Variants in RBFOX2 observed in about 807,000 individuals in gnomAD.
RBFOX2 encodes RNA binding fox-1 homolog 2, also known as RNA binding protein fox-1 homolog 2.
RBFOX2 carries 10 observed loss-of-function variants against 49.1 expected under a neutral mutation model. That is an observed-to-expected ratio of 0.20 (90% CI 0.13 to 0.35). RBFOX2 has a LOEUF of 0.35. Ranked by LOEUF, RBFOX2 falls within the 10% of genes least tolerant of loss-of-function variation. The pLI, the probability that RBFOX2 is intolerant of heterozygous loss-of-function variation, is 1.00. For missense variants in RBFOX2, 323 were observed against 486.9 expected (o/e 0.66, Z 3.17); for synonymous variants, 183 against 187.4 (o/e 0.98, Z 0.19).
chr22:35,950,823 T>G (rs1433784550), intron 1 of RBFOX2, among the ~76,000 whole-genome samples: 1 of 152,098 alleles, frequency 6.6e-6, no homozygotes, highest in East Asian at 1.9e-4. Flanking sequence ...TAATTCTATT[T>G]TGTCACACAT....
chr22:35,942,887 G>A (rs1401695132), upstream of RBFOX2, among the ~76,000 whole-genome samples: 2 of 152,150 alleles, frequency 1.3e-5, no homozygotes, highest in African/African-American at 4.8e-5. Flanking sequence ...ATATGACTTA[G>A]AATAAAGCTG....
At chr22:36,005,092 C>G (rs1373859863) in intron 1 of RBFOX2, among the ~76,000 whole-genome samples, 1 of 152,132 alleles carries the variant, frequency 6.6e-6, no homozygotes, top group Non-Finnish European at 1.5e-5. Flanking sequence ...AAAACGCATC[C>G]TGGCTTAATA....
intron 1 of RBFOX2, among the ~76,000 whole-genome samples, chr22:35,934,517 A>G (rs911920209): frequency 1.3e-5 from 2 of 152,126 alleles, no homozygotes; most frequent in African/African-American, 4.8e-5. Context: ...TTTATTCTCA[A>G]AAGTGCCCCA....
chr22:35,782,412 C>T (rs757952375), intron 2 of RBFOX2, among the ~76,000 whole-genome samples: 1 of 152,150 alleles, frequency 6.6e-6, no homozygotes, highest in Non-Finnish European at 1.5e-5. Context: ...AGCTCCACTT[C>T]CCGGGTTCAC....
chr22:35,811,242 C>T (rs141746844), intron 1 of RBFOX2, among the ~76,000 whole-genome samples: 13 of 152,292 alleles, frequency 8.5e-5, no homozygotes, highest in African/African-American at 3.1e-4. Flanking sequence ...GAGTCATAGA[C>T]TGAGTTGTGC....
chr22:35,875,784 G>A (rs1307222091), intron 1 of RBFOX2, among the ~76,000 whole-genome samples: 1 of 151,642 alleles, frequency 6.6e-6, no homozygotes, highest in Admixed American at 6.6e-5. Flanking sequence ...TATCCCCCTA[G>A]GAGTTTAGCC....
chr22:35,818,200 A>G (rs1218347415), intron 1 of RBFOX2, among the ~76,000 whole-genome samples: 2 of 152,184 alleles, frequency 1.3e-5, no homozygotes, highest in African/African-American at 4.8e-5. Context: ...TTCTCCTTAA[A>G]CAAGTATTTA....
intron 1 of RBFOX2, among the ~76,000 whole-genome samples, chr22:35,906,532 A>C (rs146011677): frequency 4.6e-4 from 70 of 152,274 alleles, no homozygotes; most frequent in African/African-American, 1.6e-3. Context: ...TTAAAACCTC[A>C]TTCTATGGCC....
chr22:35,938,804 C>T, intron 1 of RBFOX2, 43 bp downstream of exon 2: 1 of 1,569,658 alleles, frequency 6.4e-7, no homozygotes, highest in South Asian at 1.1e-5. Flanking sequence ...ATGAAACACA[C>T]CACACACATA....
chr22:35,968,560 T>C (rs2056696097), intron 1 of RBFOX2, among the ~76,000 whole-genome samples: 1 of 152,174 alleles, frequency 6.6e-6, no homozygotes, highest in Non-Finnish European at 1.5e-5. Context: ...GCTTATGGAA[T>C]TAAAACTCTT....
At chr22:35,773,869 GA>G (rs1337359172) in intron 4 of RBFOX2, among the ~76,000 whole-genome samples, 1 of 152,036 alleles carries the variant, frequency 6.6e-6, no homozygotes, top group Non-Finnish European at 1.5e-5. Context: ...ACCCACAATG[GA>G]ATAACTTTTG....
chr22:35,866,262 T>C (rs1408020932), intron 1 of RBFOX2, among the ~76,000 whole-genome samples: 3 of 152,196 alleles, frequency 2.0e-5, no homozygotes, highest in Non-Finnish European at 4.4e-5. Flanking sequence ...TGTAGTCTTA[T>C]GATTCTTAGA....
intron 1 of RBFOX2, among the ~76,000 whole-genome samples, chr22:35,895,776 TTC>T (rs2149404658): frequency 6.6e-6 from 1 of 152,318 alleles, no homozygotes; most frequent in African/African-American, 2.4e-5. Flanking sequence ...CTGTCCAGGC[TTC>T]TGTTTCCTCT....
intron 1 of RBFOX2, among the ~76,000 whole-genome samples, chr22:35,853,644 CATATAT>C (rs894744344): frequency 7.6e-5 from 11 of 144,552 alleles, no homozygotes; most frequent in African/African-American, 2.5e-4. Context: ...CATACATATA[CATATAT>C]ATACACACGT....
chr22:35,940,847 A>T (rs2053619629), upstream of RBFOX2, among the ~76,000 whole-genome samples: 1 of 152,206 alleles, frequency 6.6e-6, no homozygotes, highest in Non-Finnish European at 1.5e-5. Flanking sequence ...ATATAATTTG[A>T]TTTGTATGAA....
chr22:35,811,283 A>G (rs543711432), intron 1 of RBFOX2, among the ~76,000 whole-genome samples: 3 of 152,202 alleles, frequency 2.0e-5, no homozygotes, highest in African/African-American at 4.8e-5. Flanking sequence ...TGAAGTTCTA[A>G]CCCTCAGTAC....
chr22:35,921,671 T>C lies in RBFOX2; in HGVS notation c.-34+17176A>G, dbSNP rs73885454. ...AATTCACCCCAGCACATTGAGGGAA[T>C]TGGTCTTCCACTTAAAGCAGTCAGC... On this transcript the variant is annotated intron_variant, in intron 1 of 13. Transcript: ENST00000359369. Among the ~76,000 whole-genome samples the C allele has an allele frequency of 7.6e-3, 1,158 of 152,318 alleles. 16 individuals carry two copies. Among genetic ancestry groups the C allele is most frequent in the African/African-American group, 0.027 (1,112 of 41,568 alleles).
chr22:36,027,779 C>G (rs2059503802), intron 1 of RBFOX2, among the ~76,000 whole-genome samples: 1 of 152,096 alleles, frequency 6.6e-6, no homozygotes, highest in Non-Finnish European at 1.5e-5. Flanking sequence ...TTTCACTCCT[C>G]TCATTGAAAT....
rs1305743333 is a variant in RBFOX2 at position 36,001,227 on chromosome 22, ACACACAC to A, written c.186+27006_186+27012del. 5.7e-4 allele frequency among the ~76,000 whole-genome samples: 66 copies of A among 116,088 alleles called. 3 individuals are homozygous for A. Among genetic ancestry groups the A allele is most frequent in the African/African-American group, 2.2e-3 (62 of 28,538 alleles). The allele number at this position is 116,088 out of a possible 152,430, so 76.2% of individuals were successfully genotyped here. On this transcript the variant is annotated intron_variant, in intron 1 of 13. Coordinates refer to the RBFOX2 transcript ENST00000438146. ...CACACACACACACACACACACACACACACACACTATATGTATATACATGTACACATAC... is the reference window on the plus strand; with the variant it reads ...CACACACACACACACACACACACACATATATGTATATACATGTACACATAC...
Sources: allele counts gnomAD v4.1 joint callset (sites outside exome capture counted in the v4.1 genomes callset), GRCh38; gene constraint gnomAD v4.1.1; transcripts MANE v1.5; gene names NCBI Gene and HGNC (gene_info 2026-07-23, HGNC 2026-07-21).